INTS11: variants seen among roughly 807,000 people sequenced by gnomAD.
INTS11 encodes the protein integrator complex subunit 11, also known as CPSF3-like protein.
A neutral mutation model predicts 78.6 loss-of-function variants in INTS11; 77 were observed. That is an observed-to-expected ratio of 0.98 (90% CI 0.81 to 1.18). INTS11 has a LOEUF of 1.18. INTS11 is among the 50% of genes most tolerant of loss of function. The probability of loss-of-function intolerance (pLI) is 0.00; values close to 1 mark genes in which losing one functional copy is unlikely to be tolerated. For synonymous variants in INTS11, 441 were observed against 326.9 expected (o/e 1.35, Z -3.77); for missense variants, 875 against 825.9 (o/e 1.06, Z -0.73).
chr1:1,323,312 G>A, intron 1 of INTS11: 2 of 1,536,958 alleles, frequency 1.3e-6, no homozygotes, highest in Non-Finnish European at 1.8e-6. Context: ...AAGGACATCA[G>A]GATGACTGGC....
intron 6 of INTS11, 97 bp downstream of exon 6, chr1:1,315,307 G>A (rs777643424): frequency 2.6e-4 from 375 of 1,448,382 alleles, no homozygotes; most frequent in Non-Finnish European, 3.4e-4. Context: ...GGGAGACACT[G>A]CCAGGCTGGC....
chr1:1,314,961 C>G lies in INTS11; in HGVS notation c.565G>C (p.Ala189Pro). 1 of 1,612,128 alleles carries G rather than the reference C, an allele frequency of 6.2e-7. No individual in the cohort carries two copies. Among genetic ancestry groups the G allele is most frequent in the Non-Finnish European group, 8.5e-7 (1 of 1,179,264 alleles). ...GGGCGGCACTTGTCAATCCAGGCAG[C>G]TCTGGAACACGGGGGTGGGGGTGTG... Reference protein sequence around the residue: ...YNMTPDRHLGAAWIDKCRPNL... With the variant: ...YNMTPDRHLGPAWIDKCRPNL... The change falls in exon 7 of 17, where the codon GCT becomes CCT. Residue 189 changes from alanine to proline, a missense_variant and splice_region_variant. Transcript: ENST00000435064. The surrounding 1 kb of genome is among the most constrained non-coding windows in gnomAD (Gnocchi z 4.2).
chr1:1,314,368 GAGGGGGACACA>G lies in INTS11; in HGVS notation c.703-14_703-4del, dbSNP rs1642442618. 2 of 1,604,680 alleles carry G rather than the reference GAGGGGGACACA, an allele frequency of 1.2e-6. No individual in the cohort carries two copies. Among genetic ancestry groups the G allele is most frequent in the South Asian group, 2.2e-5 (2 of 89,904 alleles). On this transcript the variant is annotated splice_polypyrimidine_tract_variant and splice_region_variant and intron_variant, in intron 7 of 16. Transcript: ENST00000435064. The surrounding 1 kb of genome is among the most constrained non-coding windows in gnomAD (Gnocchi z 4.2). Reference sequence around the variant, plus strand: ...AGCGCGAACACAGGTATCAGCACCTGAGGGGGACACAAGGCAGGAGCCCTGGGCACATGGCC... The same window carrying G: ...AGCGCGAACACAGGTATCAGCACCTGAGGCAGGAGCCCTGGGCACATGGCC...
At chr1:1,312,572 T>TGCCCTGCCCA (rs1173651935) in intron 13 of INTS11, 21 bp downstream of exon 13, 6 of 1,579,172 alleles carry the variant, frequency 3.8e-6, no homozygotes, top group Admixed American at 1.7e-5. Context: ...CACCCTGCCC[T>TGCCCTGCCCA]GCCCTGCCCA....
chr1:1,312,206 G>GGC lies in INTS11; in HGVS notation c.1607+19_1607+20insGC. ...TCCAGGGCCCAAGGGAGTGGGGGGG[G>GGC]GGCGGGGCCGGGCGCCCACCTCTTG... is the stretch of plus-strand genomic sequence containing the variant. On this transcript the variant is annotated intron_variant, in intron 15 of 16. Transcript: ENST00000435064. 1 of 1,161,216 alleles carries GGC rather than the reference G, an allele frequency of 8.6e-7. No homozygotes were observed. Among genetic ancestry groups the GGC allele is most frequent in the Admixed American group, 2.2e-5 (1 of 45,946 alleles). The allele number at this position is 1,161,216 out of a possible 1,614,324, so 71.9% of individuals were successfully genotyped here. A position where few individuals can be genotyped will look rare whatever the true frequency, so the allele number is the denominator to read the frequency against.
At position 1,311,847 on chromosome 1, in the gene INTS11, G is replaced by A. The variant is rs751391937; in HGVS notation, c.*12C>T. On this transcript the variant is annotated 3_prime_UTR_variant, in exon 17 of 17. Coordinates refer to ENST00000435064, the MANE Select transcript of INTS11 (RefSeq NM_017871.6). ...GAGAGGGCAGAGGTGGCGGCTGGGT[G>A]AGTTGCCGGCCTCAGCTGGGGGCCT... 2.4e-5 allele frequency: 37 copies of A among 1,542,262 alleles called. No individual in the cohort carries two copies. Among genetic ancestry groups the A allele is most frequent in the Non-Finnish European group, 3.1e-5 (35 of 1,144,328 alleles).
At chr1:1,322,572 A>C in intron 1 of INTS11, among the ~76,000 whole-genome samples, 1 of 30,406 alleles carries the variant, frequency 3.3e-5, no homozygotes. Context: ...AGGGGGAGGG[A>C]CGGGGTGGGG....
Position 1,312,474 on chromosome 1 carries a change from C to G in INTS11, c.1430G>C (p.Arg477Pro). 14 of 1,577,504 alleles carry G rather than the reference C, an allele frequency of 8.9e-6. No homozygotes were observed. Among genetic ancestry groups the G allele is most frequent in the Non-Finnish European group, 1.2e-5 (14 of 1,162,206 alleles). ...QGLLPEAKKP[R>P]LLHGTLIMKD... ...CATGATCAGGGTGCCGTGCAGGAGC[C>G]GAGGCTTCTTGGCCTCAGGGAGCAG... is the stretch of plus-strand genomic sequence containing the variant. Residue 477 changes from arginine to proline, a missense_variant, in exon 14 of 17, where the codon CGG (arginine) becomes CCG (proline). Arg to Pro is a moderately radical substitution (Grantham distance 103, BLOSUM62 -2). Coordinates refer to ENST00000435064, the MANE Select transcript of INTS11 (RefSeq NM_017871.6).
intron 1 of INTS11, 84 bp from the exon 2 acceptor site, chr1:1,321,177 C>A: frequency 1.9e-6 from 2 of 1,075,262 alleles, no homozygotes; most frequent in Non-Finnish European, 2.8e-6. Flanking sequence ...CCCCAGTGCA[C>A]TGAGGAAACC....
Position 1,314,555 on chromosome 1 carries a change from C to A in INTS11, c.703-190G>T. 1.6e-6 allele frequency: 1 copy of A among 639,214 alleles called. No individual in the cohort carries two copies. 39.6% of individuals were successfully genotyped at this position (639,214 alleles called of 1,614,324 possible). A position where few individuals can be genotyped will look rare whatever the true frequency, so the allele number is the denominator to read the frequency against. On this transcript the variant is annotated intron_variant, in intron 7 of 16. Coordinates refer to ENST00000435064, the MANE Select transcript of INTS11 (RefSeq NM_017871.6). This position sits in a 1 kb window ranked among gnomAD's most constrained non-coding sequence, Gnocchi z 4.2. ...AGCCGTATGAGAGACAGGAGGGAGCCGCATGAGAGACAGAAGGGAGCTGCA... is the reference window on the plus strand; with the variant it reads ...AGCCGTATGAGAGACAGGAGGGAGCAGCATGAGAGACAGAAGGGAGCTGCA...
At chr1:1,321,204 G>T in intron 1 of INTS11, 111 bp from the exon 2 acceptor site, 1 of 794,556 alleles carries the variant, frequency 1.3e-6, no homozygotes, top group Non-Finnish European at 2.1e-6. Context: ...AGTCTGCTGT[G>T]TGGACAGACA....
chr1:1,315,756 G>A (rs1255326082), intron 4 of INTS11, 138 bp from the exon 5 acceptor site: 1 of 70,606 alleles, frequency 1.4e-5, no homozygotes, highest in African/African-American at 4.6e-5. Flanking sequence ...GGGCGGGAGC[G>A]AGGGAGGTGG....
chr1:1,320,384 G>T, intron 3 of INTS11, 72 bp downstream of exon 3: 1 of 1,473,436 alleles, frequency 6.8e-7, no homozygotes, highest in South Asian at 1.1e-5. Flanking sequence ...AAACGCTGCC[G>T]AGACCAAGCA....
rs779246732 is a variant in INTS11, at chr1:1,324,655, C to G, written c.-47G>C. ...CCCGCGAGGCCCGCCTGCGGTGATG[C>G]ACTGCGCAGGCGCAACCACCTCGCT... is the stretch of plus-strand genomic sequence containing the variant. On this transcript the variant is annotated 5_prime_UTR_variant, in exon 1 of 17. Transcript: ENST00000435064. 1.3e-6 allele frequency: 2 copies of G among 1,589,982 alleles called. No individual in the cohort carries two copies. Among genetic ancestry groups the G allele is most frequent in the Non-Finnish European group, 1.7e-6 (2 of 1,169,116 alleles).
chr1:1,315,239 T>C, intron 6 of INTS11, 165 bp downstream of exon 6: 1 of 853,846 alleles, frequency 1.2e-6, no homozygotes, highest in Non-Finnish European at 1.9e-6. Flanking sequence ...GCCTGGACCC[T>C]GTGCCTTCGC....
Position 1,312,213 on chromosome 1 carries a change from G to GGGCCCCCCCCCCCCCCCCCCC in INTS11, c.1607+12_1607+13insGGGGGGGGGGGGGGGGGGGCC. The GGGCCCCCCCCCCCCCCCCCCC allele has an allele frequency of 1.1e-6, 1 of 934,608 alleles. No individual in the cohort carries two copies. The highest frequency in any genetic ancestry group is 1.6e-6 in the Non-Finnish European group (1 of 636,660). The allele number at this position is 934,608 out of a possible 1,614,324, so 57.9% of individuals were successfully genotyped here. A position where few individuals can be genotyped will look rare whatever the true frequency, so the allele number is the denominator to read the frequency against. ...CCCAAGGGAGTGGGGGGGGGGCGGG[G>GGGCCCCCCCCCCCCCCCCCCC]CCGGGCGCCCACCTCTTGAGGTGGC... is the stretch of plus-strand genomic sequence containing the variant. On this transcript the variant is annotated intron_variant, in intron 15 of 16. Coordinates refer to ENST00000435064, the MANE Select transcript of INTS11 (RefSeq NM_017871.6).
chr1:1,319,023 T>G (rs1232252628), intron 4 of INTS11: 3 of 717,352 alleles, frequency 4.2e-6, no homozygotes, highest in Non-Finnish European at 7.8e-6. Flanking sequence ...CTCTGGCCAT[T>G]TCAATGCCGC....
In INTS11 at chr1:1,312,865, C is replaced by T; in HGVS notation, c.1216G>A (p.Glu406Lys). 1 of 1,612,390 alleles carries T rather than the reference C, an allele frequency of 6.2e-7. No homozygotes were observed. Among genetic ancestry groups the T allele is most frequent in the South Asian group, 1.1e-5 (1 of 91,086 alleles). The change falls in exon 12 of 17, where the codon GAG becomes AAG. Residue 406 changes from glutamate to lysine, a missense_variant. By Grantham distance (56) the Glu-to-Lys change is moderately conservative. Coordinates refer to ENST00000435064, the MANE Select transcript of INTS11 (RefSeq NM_017871.6). Reference protein sequence around the residue: ...KGIMQLVGQAEPESVLLVHGE... With the variant: ...KGIMQLVGQAKPESVLLVHGE... ...TGCACCAGCAGCACGCTCTCCGGCT[C>T]TGCCTGGCCCACCAGCTGCATGATG...
chr1:1,319,430 T>A lies in INTS11; in HGVS notation c.295A>T (p.Ile99Phe). 6.2e-7 allele frequency: 1 copy of A among 1,613,070 alleles called. No individual in the cohort carries two copies. Residue 99 changes from isoleucine to phenylalanine, a missense_variant, in exon 4 of 17, where the codon ATC becomes TTC. By Grantham distance (21) the Ile-to-Phe change is conservative. Coordinates refer to ENST00000435064, the MANE Select transcript of INTS11 (RefSeq NM_017871.6). ...PIYMTHPTQAICPILLEDYRK... is the reference protein window; with the variant it reads ...PIYMTHPTQAFCPILLEDYRK... ...TAGTCCTCCAGCAAGATGGGGCAGA[T>A]GGCCTGGGTGGGGTGAGTCATGTAG...
Sources: gnomAD v4.1 joint callset for allele counts (sites outside exome capture counted in the v4.1 genomes callset) on GRCh38, gnomAD v4.1.1 for gene constraint, Gnocchi (gnomAD v3.1) non-coding constraint, MANE v1.5 for transcripts, NCBI Gene and HGNC (gene_info 2026-07-23, HGNC 2026-07-21) for gene names.